The following ZNF503 variants were observed in gnomAD, a reference collection of about 807,000 sequenced individuals.
ZNF503 encodes zinc finger protein 503, also known as NocA-like zinc finger 2.
A neutral mutation model predicts 34.4 loss-of-function variants in ZNF503; 15 were observed. The observed-to-expected ratio is 0.44, with a 90% CI of 0.29 to 0.67. The LOEUF (loss-of-function observed/expected upper bound fraction) is 0.67, where lower values mean the gene tolerates loss of function less well. Ranked by LOEUF, ZNF503 falls within the 30% of genes least tolerant of loss-of-function variation. ZNF503 has a pLI of 0.13. For synonymous variants in ZNF503, 580 were observed against 456.8 expected, an observed-to-expected ratio of 1.27 and a Z score of -3.44; for missense variants, 1,007 against 926.8, an observed-to-expected ratio of 1.09 and a Z score of -1.12.
rs757115265 is a variant in ZNF503, at chr10:75,399,699, C to T, written c.991G>A (p.Val331Met). 2 of 1,600,412 alleles carry T rather than the reference C, an allele frequency of 1.2e-6. No homozygotes were observed. The highest frequency in any genetic ancestry group is 1.7e-6 in the Non-Finnish European group (2 of 1,179,108). The stretch of plus-strand genomic sequence containing the variant: ...GGAGCCACCAGCCCAGAGCCCAACA[C>T]TGAGGAGGAGGTGGGCGCGCTGGGG... The part of the protein sequence containing the change: ...SGPSAPTSSS[V>M]LGSGLVAPVS... Residue 331 changes from valine to methionine, a missense_variant, in exon 2 of 2, where the codon GTG (valine) becomes ATG (methionine). Transcript: ENST00000372524.
the ZNF503 span, among the ~76,000 whole-genome samples, chr10:75,283,629 A>C: frequency 6.6e-6 from 1 of 152,076 alleles, no homozygotes; most frequent in Non-Finnish European, 1.5e-5. Context: ...AACCCAAGCC[A>C]ACCGCCCCCA....
chr10:75,390,359 CTTG>C, the ZNF503 span, among the ~76,000 whole-genome samples: 12 of 150,962 alleles, frequency 7.9e-5, no homozygotes, highest in Admixed American at 6.6e-4. Context: ...CCTTCACTTC[CTTG>C]TTCTTCCTCC....
chr10:75,333,530 C>T, the ZNF503 span, among the ~76,000 whole-genome samples: 5 of 60,104 alleles, frequency 8.3e-5, no homozygotes, highest in African/African-American at 1.5e-4. Context: ...CCAGTAGGGG[C>T]GGCCGGGCAG....
chr10:75,329,042 C>T, the ZNF503 span, among the ~76,000 whole-genome samples: 9 of 152,062 alleles, frequency 5.9e-5, no homozygotes, highest in Admixed American at 1.3e-4. Flanking sequence ...CCACCGTGCT[C>T]GGCCTGTCTT....
the ZNF503 span, among the ~76,000 whole-genome samples, chr10:75,343,531 A>C: frequency 6.6e-6 from 1 of 151,600 alleles, no homozygotes; most frequent in African/African-American, 2.4e-5. Context: ...GCCTGTCTCT[A>C]CTCCCCACTG....
chr10:75,336,237 GTTC>G, the ZNF503 span, among the ~76,000 whole-genome samples: 5 of 152,078 alleles, frequency 3.3e-5, no homozygotes, highest in Admixed American at 6.6e-5. Flanking sequence ...AATGCAAACT[GTTC>G]TTCTGCTTTT....
the ZNF503 span, among the ~76,000 whole-genome samples, chr10:75,364,779 C>A: frequency 3.9e-5 from 6 of 152,198 alleles, no homozygotes; most frequent in African/African-American, 1.2e-4. Flanking sequence ...TTAAAAATAG[C>A]TTATTGGAAA....
chr10:75,366,485 T>G, the ZNF503 span, among the ~76,000 whole-genome samples: 1 of 152,196 alleles, frequency 6.6e-6, no homozygotes, highest in East Asian at 1.9e-4. Flanking sequence ...ACTTTTCAGC[T>G]CTCCTCCATC....
chr10:75,401,662 T>C lies in ZNF503; in HGVS notation c.-243A>G, dbSNP rs1843828323. On this transcript the variant is annotated 5_prime_UTR_variant, in exon 1 of 2. Coordinates refer to ENST00000372524, the MANE Select transcript of ZNF503 (RefSeq NM_032772.6). ...CTGGACTGCGGGAGTGCCGGGCGGC[T>C]CGCGGTGTCCGCCTCGGGCTGCTCC... 1.2e-5 allele frequency: 6 copies of C among 504,090 alleles called. 1 individual carries two copies. The South Asian group carries it at 1.6e-4, about 14-fold the overall frequency. The allele number at this position is 504,090 out of a possible 1,614,324, so 31.2% of individuals were successfully genotyped here.
the ZNF503 span, among the ~76,000 whole-genome samples, chr10:75,329,365 A>G: frequency 2.0e-5 from 3 of 148,140 alleles, no homozygotes; most frequent in Non-Finnish European, 4.4e-5. Context: ...GACTATCATA[A>G]AACAGCTTCT....
At chr10:75,293,459 T>TCTTC in the ZNF503 span, among the ~76,000 whole-genome samples, 2 of 152,188 alleles carry the variant, frequency 1.3e-5, no homozygotes, top group Non-Finnish European at 2.9e-5. Context: ...GATGCTCTTT[T>TCTTC]CTTCACACCT....
At chr10:75,297,267 A>AC in the ZNF503 span, among the ~76,000 whole-genome samples, 1 of 150,016 alleles carries the variant, frequency 6.7e-6, no homozygotes, top group African/African-American at 2.5e-5. Flanking sequence ...TCTGACCCCC[A>AC]CCCCCGACTC....
Position 75,399,442 on chromosome 10 carries a change from C to T in ZNF503, c.1248G>A (p.Ala416=), listed in dbSNP as rs763125350. 1.9e-5 allele frequency: 31 copies of T among 1,593,714 alleles called. No homozygotes were observed. Among genetic ancestry groups the T allele is most frequent in the Non-Finnish European group, 2.5e-5 (29 of 1,175,180 alleles). The change falls in exon 2 of 2, where the codon GCG becomes GCA. Residue 416 remains alanine, a synonymous_variant. Transcript: ENST00000372524. ...KPAGSSPLAG[A]SPPSVMTASL... The stretch of plus-strand genomic sequence containing the variant: ...TGGCTGTCATCACGGACGGCGGAGA[C>T]GCTCCGGCCAAAGGGCTGGAGCCGG...
the ZNF503 span, among the ~76,000 whole-genome samples, chr10:75,391,054 T>C: frequency 6.6e-6 from 1 of 152,228 alleles, no homozygotes; most frequent in African/African-American, 2.4e-5. Flanking sequence ...TATGACTTCA[T>C]TTAACTTTAC....
chr10:75,333,222 G>A, the ZNF503 span, among the ~76,000 whole-genome samples: 3 of 113,392 alleles, frequency 2.6e-5, no homozygotes, highest in Admixed American at 8.0e-5. Flanking sequence ...GCGGCTGGCC[G>A]GGCAGGGGGG....
At chr10:75,388,931 T>C in the ZNF503 span, among the ~76,000 whole-genome samples, 1 of 152,198 alleles carries the variant, frequency 6.6e-6, no homozygotes, top group Non-Finnish European at 1.5e-5. Context: ...GAAATTAAGT[T>C]TCCCACATTA....
chr10:75,285,969 G>A, the ZNF503 span, among the ~76,000 whole-genome samples: 1 of 152,114 alleles, frequency 6.6e-6, no homozygotes, highest in African/African-American at 2.4e-5. Flanking sequence ...CATAGGAATA[G>A]GTATAGAACT....
At chr10:75,314,148 C>T in the ZNF503 span, among the ~76,000 whole-genome samples, 1 of 150,000 alleles carries the variant, frequency 6.7e-6, no homozygotes, top group South Asian at 2.1e-4. Flanking sequence ...TAAGAAAGCT[C>T]AGTGCGTGAA....
the ZNF503 span, among the ~76,000 whole-genome samples, chr10:75,319,861 A>G: frequency 6.6e-6 from 1 of 152,240 alleles, no homozygotes; most frequent in Non-Finnish European, 1.5e-5. Context: ...ATCAATTTGG[A>G]GGAAAACAAT....
Sources: gnomAD v4.1 joint callset for allele counts (sites outside exome capture counted in the v4.1 genomes callset) on GRCh38, gnomAD v4.1.1 for gene constraint, MANE v1.5 for transcripts, NCBI Gene and HGNC (gene_info 2026-07-23, HGNC 2026-07-21) for gene names.